Variants in ACOXL observed in about 807,000 individuals in gnomAD.
ACOXL encodes acyl-CoA oxidase like.
A neutral mutation model predicts 71.9 loss-of-function variants in ACOXL; 70 were observed. The ratio of observed to expected loss-of-function variants is 0.97; its 90% CI spans 0.80 to 1.19. The LOEUF (loss-of-function observed/expected upper bound fraction) is 1.19. Ranked by LOEUF, ACOXL falls within the 50% of genes most tolerant of loss-of-function variation. The pLI is 0.00. For missense variants in ACOXL, 703 were observed against 736.3 expected, an observed-to-expected ratio of 0.95 and a Z score of 0.52; for synonymous variants, 253 against 281.6, an observed-to-expected ratio of 0.90 and a Z score of 1.02.
rs141803487 is a variant in ACOXL, at chr2:110,866,480, G to A, written c.788+25075G>A. On this transcript the variant is annotated intron_variant, in intron 10 of 17. Transcript: ENST00000439055. ...GAGCCGAATGCCCAGGGAGGAGGTG[G>A]GCCAAGCAAGGCAACGTGGAGCCAG... 4.6e-5 allele frequency among the ~76,000 whole-genome samples: 7 copies of A among 152,200 alleles called. No homozygotes were observed. In the East Asian group the frequency reaches 1.4e-3, roughly 29 times the overall value.
At chr2:110,914,904 C>T (rs1385364045) in intron 11 of ACOXL, among the ~76,000 whole-genome samples, 4 of 152,138 alleles carry the variant, frequency 2.6e-5, no homozygotes, top group East Asian at 3.9e-4. Flanking sequence ...TTAAGGGGTA[C>T]GTGAGATGTT....
intron 10 of ACOXL, among the ~76,000 whole-genome samples, chr2:110,843,812 A>G (rs1311508595): frequency 6.6e-6 from 1 of 152,254 alleles, no homozygotes; most frequent in Non-Finnish European, 1.5e-5. Context: ...AGTGCAGAGC[A>G]ATTAACAAAT....
At chr2:110,911,564 A>G (rs895854059) in intron 11 of ACOXL, among the ~76,000 whole-genome samples, 2 of 152,142 alleles carry the variant, frequency 1.3e-5, no homozygotes, top group Non-Finnish European at 2.9e-5. Context: ...TTGGTTTAAC[A>G]TATCAAAAAC....
At position 111,022,421 on chromosome 2, in the gene ACOXL, T is replaced by TCACACA. The variant is rs10543530; in HGVS notation, c.1282-9183_1282-9178dup. On this transcript the variant is annotated intron_variant, in intron 14 of 17. Transcript: ENST00000439055. The stretch of plus-strand genomic sequence containing the variant: ...CAGACAAATATATAAAGACCCCTCC[T>TCACACA]CACACACACACACACACACACACAC... Among the ~76,000 whole-genome samples, 1,113 of 147,502 alleles carry TCACACA rather than the reference T, an allele frequency of 7.5e-3. 4 individuals are homozygous for TCACACA. Among genetic ancestry groups the TCACACA allele is most frequent in the African/African-American group, 9.7e-3 (393 of 40,528 alleles).
At chr2:110,747,902 G>A (rs1678428440) in intron 1 of ACOXL, among the ~76,000 whole-genome samples, 1 of 151,980 alleles carries the variant, frequency 6.6e-6, no homozygotes, top group Admixed American at 6.6e-5. Context: ...CCTCCTGGGG[G>A]CCTCCTCTCT....
chr2:110,763,716 C>G (rs1680688126), intron 1 of ACOXL, among the ~76,000 whole-genome samples: 1 of 152,178 alleles, frequency 6.6e-6, no homozygotes, highest in Non-Finnish European at 1.5e-5. Context: ...GGAAAACTTT[C>G]TGCTCTGTGA....
chr2:111,049,023 C>A (rs2066154795), intron 15 of ACOXL, among the ~76,000 whole-genome samples, 195 bp from the exon 16 acceptor site: 1 of 152,100 alleles, frequency 6.6e-6, no homozygotes. Context: ...ATGACTCTGT[C>A]TGATGGGGTG....
intron 10 of ACOXL, among the ~76,000 whole-genome samples, chr2:110,891,086 A>G (rs13427098): frequency 0.31 from 47,308 of 151,882 alleles, 7,725 homozygotes; most frequent in Middle Eastern, 0.38. Context: ...TTATTAGTAT[A>G]TAGAAATACA....
intron 15 of ACOXL, 91 bp from the exon 16 acceptor site, chr2:111,049,127 C>T (rs1342467461): frequency 1.3e-5 from 13 of 996,140 alleles, no homozygotes; most frequent in Middle Eastern, 2.3e-4. Flanking sequence ...ATGCTGTTTA[C>T]GTCTGTTATA....
At chr2:110,935,614 G>A (rs960804713) in intron 12 of ACOXL, among the ~76,000 whole-genome samples, 2 of 152,216 alleles carry the variant, frequency 1.3e-5, no homozygotes, top group Non-Finnish European at 1.5e-5. Context: ...CCCCAGGCAC[G>A]CTGCCTCACA....
intron 10 of ACOXL, among the ~76,000 whole-genome samples, chr2:110,847,534 A>G (rs542803062): frequency 6.6e-6 from 1 of 152,286 alleles, no homozygotes; most frequent in African/African-American, 2.4e-5. Flanking sequence ...GAAGGAAGCA[A>G]ATTTTCCATT....
At chr2:110,968,655 A>G in intron 12 of ACOXL, 1 of 1,088,576 alleles carries the variant, frequency 9.2e-7, no homozygotes, top group Non-Finnish European at 1.3e-6. Context: ...ATTGCCCAGA[A>G]GAAAGATCAG....
chr2:110,943,801 G>A (rs1223859664), intron 12 of ACOXL, among the ~76,000 whole-genome samples: 1 of 152,070 alleles, frequency 6.6e-6, no homozygotes, highest in Non-Finnish European at 1.5e-5. Context: ...CCAGACCCAG[G>A]TATGTCCTGG....
At chr2:110,979,903 A>G (rs999320318) in intron 12 of ACOXL, among the ~76,000 whole-genome samples, 1 of 152,144 alleles carries the variant, frequency 6.6e-6, no homozygotes, top group East Asian at 1.9e-4. Context: ...TGAGTTTTCA[A>G]CAGAAGGTAA....
intron 11 of ACOXL, among the ~76,000 whole-genome samples, chr2:110,927,678 T>C (rs750447667): frequency 3.4e-4 from 51 of 152,216 alleles, no homozygotes; most frequent in Non-Finnish European, 6.3e-4. Flanking sequence ...GGTTTGTGAT[T>C]GTAAATTCTG....
chr2:111,029,571 C>T (rs2065171958), intron 14 of ACOXL, among the ~76,000 whole-genome samples: 2 of 152,196 alleles, frequency 1.3e-5, no homozygotes, highest in African/African-American at 4.8e-5. Flanking sequence ...TTATTTCCTA[C>T]CAATAAACTC....
At chr2:110,855,446 C>T in intron 10 of ACOXL, among the ~76,000 whole-genome samples, 1 of 152,106 alleles carries the variant, frequency 6.6e-6, no homozygotes, top group East Asian at 1.9e-4. Context: ...TCTCTGCTGA[C>T]CTGGGCAGAG....
intron 10 of ACOXL, among the ~76,000 whole-genome samples, chr2:110,860,936 G>A (rs1693878000): frequency 6.6e-6 from 1 of 152,156 alleles, no homozygotes; most frequent in South Asian, 2.1e-4. Context: ...TTACTCTATT[G>A]AGCTGAAGTC....
At chr2:110,768,530 G>A (rs1200386214) in intron 2 of ACOXL, 66 bp downstream of exon 2, 6 of 1,475,206 alleles carry the variant, frequency 4.1e-6, no homozygotes, top group Admixed American at 3.6e-5. Flanking sequence ...GAGAGAGAGA[G>A]AGAGAGAGTT....
Sources: gnomAD v4.1 joint callset for allele counts (sites outside exome capture counted in the v4.1 genomes callset) on GRCh38, gnomAD v4.1.1 for gene constraint, MANE v1.5 for transcripts, NCBI Gene and HGNC (gene_info 2026-07-23, HGNC 2026-07-21) for gene names.